ARHGEF17: variants seen among roughly 807,000 people sequenced by gnomAD.
The protein encoded by ARHGEF17 is Rho guanine nucleotide exchange factor 17.
Under a neutral mutation model 174.0 loss-of-function variants are expected in ARHGEF17, and 80 were observed. That is an observed-to-expected ratio of 0.46 (90% CI 0.38 to 0.55). The LOEUF (loss-of-function observed/expected upper bound fraction) is 0.55. ARHGEF17 is among the 20% of genes least tolerant of loss of function. The pLI is 0.00. For synonymous variants in ARHGEF17, 1,311 were observed against 1,189.1 expected, an observed-to-expected ratio of 1.10 and a Z score of -2.11; for missense variants, 2,886 against 2,839.7, an observed-to-expected ratio of 1.02 and a Z score of -0.37.
At chr11:73,318,988 C>G (rs1864971818) in intron 1 of ARHGEF17, among the ~76,000 whole-genome samples, 1 of 152,232 alleles carries the variant, frequency 6.6e-6, no homozygotes, top group Non-Finnish European at 1.5e-5. Flanking sequence ...TGCCAGCACT[C>G]CTTGGCCTGT....
Position 73,310,630 on chromosome 11 carries a change from C to T in ARHGEF17, c.1992C>T (p.Thr664=). The T allele has an allele frequency of 6.2e-7, 1 of 1,614,112 alleles. No individual in the cohort carries two copies. The highest frequency in any genetic ancestry group is 8.5e-7 in the Non-Finnish European group (1 of 1,180,020). ...PPVAAFCGLG[T]TGMWRPLSSS... ...TTGCAGCATTTTGCGGCCTGGGTAC[C>T]ACAGGGATGTGGCGACCTCTTTCCT... Residue 664 remains threonine (T), a synonymous_variant, in exon 1 of 21, where the codon ACC becomes ACT. Transcript: ENST00000263674.
chr11:73,358,544 G>T (rs1284587345), intron 9 of ARHGEF17, among the ~76,000 whole-genome samples: 1 of 140,930 alleles, frequency 7.1e-6, no homozygotes. Flanking sequence ...TGTAACCTCT[G>T]CCTGCCGGGT....
intron 11 of ARHGEF17, 133 bp downstream of exon 11, chr11:73,360,666 G>A: frequency 1.1e-6 from 1 of 919,878 alleles, no homozygotes; most frequent in East Asian, 2.6e-5. Context: ...TGGTGGGGAG[G>A]GGGGCTTCTG....
At chr11:73,320,001 C>T (rs1041336348) in intron 1 of ARHGEF17, among the ~76,000 whole-genome samples, 3 of 151,790 alleles carry the variant, frequency 2.0e-5, no homozygotes, top group South Asian at 2.1e-4. Context: ...AGGTGGGCAC[C>T]TAGGGAGGGG....
chr11:73,351,303 T>G (rs185060140), intron 2 of ARHGEF17, among the ~76,000 whole-genome samples: 41 of 149,044 alleles, frequency 2.8e-4, no homozygotes, highest in African/African-American at 9.3e-4. Flanking sequence ...ACATCACATA[T>G]GCTTTTTCAA....
In ARHGEF17 at chr11:73,357,115, C is replaced by A; in HGVS notation, c.3982C>A (p.Arg1328=). ...TCTGAAGCGAAAGTCAGGCTCCCTG[C>A]GGCGCAGCTCCATGAGCCTGTGAGT... The part of the protein sequence containing the change: ...TTLKRKSGSL[R]RSSMSLYTAA... The change falls in exon 8 of 21, where the codon CGG becomes AGG. Residue 1328 remains arginine (R), a synonymous_variant. Transcript: ENST00000263674. 2 of 1,614,154 alleles carry A rather than the reference C, an allele frequency of 1.2e-6. No individual in the cohort carries two copies. Among genetic ancestry groups the A allele is most frequent in the South Asian group, 2.2e-5 (2 of 91,082 alleles).
At chr11:73,330,076 A>G (rs1865181330) in intron 1 of ARHGEF17, among the ~76,000 whole-genome samples, 1 of 152,202 alleles carries the variant, frequency 6.6e-6, no homozygotes, top group Non-Finnish European at 1.5e-5. Context: ...CGTTTCTGTG[A>G]ATGCTTCATA....
chr11:73,351,264 T>A (rs780907290), intron 2 of ARHGEF17, among the ~76,000 whole-genome samples: 15 of 152,332 alleles, frequency 9.8e-5, no homozygotes, highest in Admixed American at 7.2e-4. Flanking sequence ...GCCAGATTTT[T>A]AAAAATGTTT....
chr11:73,346,992 G>C (rs1283347385), intron 2 of ARHGEF17, 32 bp downstream of exon 2: 5 of 1,575,256 alleles, frequency 3.2e-6, no homozygotes. Flanking sequence ...CCTGAGAATG[G>C]CCTTTCTGAG....
intron 9 of ARHGEF17, 131 bp downstream of exon 9, chr11:73,357,458 A>G: frequency 1.3e-6 from 1 of 789,722 alleles, no homozygotes; most frequent in Admixed American, 2.7e-5. Context: ...TCTCTCATCC[A>G]GTGCAAGGGG....
intron 12 of ARHGEF17, among the ~76,000 whole-genome samples, chr11:73,361,700 A>C (rs1459563298): frequency 6.6e-6 from 1 of 152,114 alleles, no homozygotes; most frequent in African/African-American, 2.4e-5. Context: ...CAAAAAATTC[A>C]AAAATTATCC....
intron 1 of ARHGEF17, among the ~76,000 whole-genome samples, chr11:73,326,633 T>C (rs187421410): frequency 1.4e-4 from 21 of 152,188 alleles, no homozygotes; most frequent in African/African-American, 4.8e-4. Context: ...GGCAGGAGAA[T>C]CGCTTGAACC....
At chr11:73,343,198 G>A (rs1415463201) in intron 1 of ARHGEF17, 3 of 397,966 alleles carry the variant, frequency 7.5e-6, no homozygotes, top group Admixed American at 8.8e-5. Flanking sequence ...GAAGACATGC[G>A]CGATATGGGC....
chr11:73,356,956 C>A, intron 7 of ARHGEF17, 69 bp from the exon 8 acceptor site: 1 of 1,546,820 alleles, frequency 6.5e-7, no homozygotes. Context: ...TCCCCTTGGG[C>A]ACTATGGGCA....
chr11:73,336,420 G>A (rs113345875), intron 1 of ARHGEF17, among the ~76,000 whole-genome samples: 4 of 152,334 alleles, frequency 2.6e-5, no homozygotes, highest in Admixed American at 1.3e-4. Flanking sequence ...GGCTGGGAGC[G>A]CAGTGGGTAC....
chr11:73,310,737 C>G lies in ARHGEF17; in HGVS notation c.2099C>G (p.Pro700Arg), dbSNP rs1864810972. 4 of 1,611,576 alleles carry G rather than the reference C, an allele frequency of 2.5e-6. No individual in the cohort carries two copies. The African/African-American group carries it at 5.3e-5, about 22-fold the overall frequency. ...TGGGCCCTGGTGTCGCCTGAGACCC[C>G]TCCCACACCAGGTGCCCTCCGCCGA... ...GGWALVSPET[P>R]PTPGALRRRR... The change falls in exon 1 of 21, where the codon CCT becomes CGT. Residue 700 changes from proline (P) to arginine (R), a missense_variant. By Grantham distance (103) the Pro-to-Arg change is moderately radical. This residue lies in a region of ARHGEF17 where 1,728 missense variants were observed against 1,461.2 expected (regional missense o/e 1.18). Coordinates refer to ENST00000263674, the MANE Select transcript of ARHGEF17 (RefSeq NM_014786.4).
In ARHGEF17 at chr11:73,323,612, C is replaced by A. The variant is rs554804163; in HGVS notation, c.3192+11782C>A. ...CCCTGTCAGATGCCTGAGCGCCCTCCCAGCTCCTGCCGCTCCTGGGCCCCT... is the reference window on the plus strand; with the variant it reads ...CCCTGTCAGATGCCTGAGCGCCCTCACAGCTCCTGCCGCTCCTGGGCCCCT... On this transcript the variant is annotated intron_variant, in intron 1 of 20. Transcript: ENST00000263674. Among the ~76,000 whole-genome samples, 12 of 152,334 alleles carry A rather than the reference C, an allele frequency of 7.9e-5. No homozygotes were observed. In the South Asian group the frequency reaches 2.5e-3, roughly 32 times the overall value.
intron 12 of ARHGEF17, 63 bp from the exon 13 acceptor site, chr11:73,361,977 A>G: frequency 6.4e-7 from 1 of 1,569,792 alleles, no homozygotes. Flanking sequence ...GTTTCCCAGG[A>G]GTGGGGAATG....
At chr11:73,321,962 C>T (rs924001991) in intron 1 of ARHGEF17, among the ~76,000 whole-genome samples, 3 of 152,134 alleles carry the variant, frequency 2.0e-5, no homozygotes, top group Non-Finnish European at 2.9e-5. Context: ...TCCCGCACAG[C>T]GCTGTGGAGC....
Sources: allele counts gnomAD v4.1 joint callset (sites outside exome capture counted in the v4.1 genomes callset), GRCh38; gene constraint gnomAD v4.1.1; regional missense constraint gnomAD v4.1.1; transcripts MANE v1.5; gene names NCBI Gene and HGNC (gene_info 2026-07-23, HGNC 2026-07-21).